The following UGP2 variants were observed in gnomAD, a reference collection of about 807,000 sequenced individuals.
UGP2 encodes the protein UTP--glucose-1-phosphate uridylyltransferase.
In UGP2, 40 loss-of-function variants were observed where a neutral mutation model predicts 49.0. The ratio of observed to expected loss-of-function variants is 0.82; its 90% CI spans 0.63 to 1.06. UGP2 has a LOEUF of 1.06. UGP2 is among the 50% of genes least tolerant of loss of function. UGP2 has a pLI of 0.00. For synonymous variants in UGP2, 225 were observed against 213.0 expected, an observed-to-expected ratio of 1.06 and a Z score of -0.49; for missense variants, 460 against 603.5, an observed-to-expected ratio of 0.76 and a Z score of 2.49.
At chr2:63,842,473 TA>T (rs1175111892) in intron 1 of UGP2, 1 of 1,539,316 alleles carries the variant, frequency 6.5e-7, no homozygotes, top group East Asian at 2.4e-5. Context: ...ATAGTGGCTG[TA>T]AGTGATAAAA....
chr2:63,870,067 C>T (rs112805135), intron 3 of UGP2, among the ~76,000 whole-genome samples: 9 of 151,898 alleles, frequency 5.9e-5, no homozygotes, highest in African/African-American at 1.2e-4. Flanking sequence ...GGACTGTAGG[C>T]GCCGGCCACC....
In UGP2 at chr2:63,879,167, A is replaced by G. The variant is rs139874634; in HGVS notation, c.256-3299A>G. On this transcript the variant is annotated intron_variant, in intron 3 of 9. Transcript: ENST00000337130. Reference sequence around the variant, plus strand: ...TCTGTAAAGATTAGAATTAAGGTGTAATCTAGAGTTTTCTGCCTCACGTTA... The same window carrying G: ...TCTGTAAAGATTAGAATTAAGGTGTGATCTAGAGTTTTCTGCCTCACGTTA... 5.1e-4 allele frequency among the ~76,000 whole-genome samples: 77 copies of G among 152,312 alleles called. 1 individual carries two copies. Among genetic ancestry groups the G allele is most frequent in the African/African-American group, 1.6e-3 (65 of 41,582 alleles).
chr2:63,872,626 A>T (rs1332237776), intron 3 of UGP2, among the ~76,000 whole-genome samples: 1 of 152,122 alleles, frequency 6.6e-6, no homozygotes, highest in Non-Finnish European at 1.5e-5. Context: ...GTCTCATTTG[A>T]TTTAAAAGGA....
At chr2:63,841,634 A>T, upstream of UGP2, 1 of 152,512 alleles carries the variant, frequency 6.6e-6, no homozygotes, top group Non-Finnish European at 1.5e-5. Flanking sequence ...GCTGGTGAAA[A>T]TGGTTGCACT....
chr2:63,857,872 G>C lies in UGP2; in HGVS notation c.191G>C (p.Arg64Thr). The change falls in exon 3 of 10, where the codon AGA becomes ACA. Residue 64 changes from arginine (R) to threonine (T), a missense_variant. This residue lies in a region of UGP2 where 143 missense variants were observed against 130.4 expected (regional missense o/e 1.10). Transcript: ENST00000337130. ...DLDGFRKLFHRFLQEKGPSVD... is the reference protein window; with the variant it reads ...DLDGFRKLFHTFLQEKGPSVD... ...GATGGATTTCGGAAGCTATTTCATA[G>C]ATTTTTGCAAGAAAAGGGGCCTTCT... 6.2e-7 allele frequency: 1 copy of C among 1,614,082 alleles called. No homozygotes were observed. The highest frequency in any genetic ancestry group is 8.5e-7 in the Non-Finnish European group (1 of 1,179,978).
intron 1 of UGP2, among the ~76,000 whole-genome samples, chr2:63,847,961 T>A (rs964383344): frequency 2.0e-5 from 3 of 152,220 alleles, no homozygotes; most frequent in Admixed American, 1.3e-4. Context: ...TACTGAAAAG[T>A]TAACATAAAC....
At chr2:63,884,974 GATCT>G (rs1329140779) in intron 5 of UGP2, among the ~76,000 whole-genome samples, 1 of 107,150 alleles carries the variant, frequency 9.3e-6, no homozygotes, top group Non-Finnish European at 2.0e-5. Flanking sequence ...TTGTTTTTAA[GATCT>G]ATTTCCCATG....
At chr2:63,884,681 G>A (rs1671539135) in intron 5 of UGP2, among the ~76,000 whole-genome samples, 1 of 152,104 alleles carries the variant, frequency 6.6e-6, no homozygotes, top group South Asian at 2.1e-4. Flanking sequence ...GAAAGCCAAG[G>A]CAGGAGGATT....
Position 63,886,343 on chromosome 2 carries a change from C to T in UGP2, c.876C>T (p.Gly292=), listed in dbSNP as rs1177583716. The part of the protein sequence containing the change: ...VTNKTRADVK[G]GTLTQYEGKL... ...CTCACTATTTTCTGCCTTTCTAGGGCGGGACACTCACTCAATATGAAGGCA... is the reference window on the plus strand; with the variant it reads ...CTCACTATTTTCTGCCTTTCTAGGGTGGGACACTCACTCAATATGAAGGCA... The change falls in exon 7 of 10, where the codon GGC becomes GGT. Residue 292 remains glycine, a splice_region_variant and synonymous_variant. Coordinates refer to ENST00000337130, the MANE Select transcript of UGP2 (RefSeq NM_006759.4). 8.7e-6 allele frequency: 14 copies of T among 1,613,774 alleles called. No individual in the cohort carries two copies. The highest frequency in any genetic ancestry group is 2.2e-5 in the East Asian group (1 of 44,894).
chr2:63,870,787 C>T (rs1180070485), intron 3 of UGP2, among the ~76,000 whole-genome samples: 2 of 152,108 alleles, frequency 1.3e-5, no homozygotes, highest in East Asian at 3.9e-4. Flanking sequence ...AAGTTTCTGC[C>T]CTTATGGAGT....
chr2:63,883,387 A>G (rs1671441851), intron 4 of UGP2: 1 of 152,238 alleles, frequency 6.6e-6, no homozygotes, highest in Admixed American at 6.5e-5. Flanking sequence ...ATTTTAACAT[A>G]GGGCAGTGTG....
intron 2 of UGP2, chr2:63,856,716 G>A (rs1669460773): frequency 8.1e-6 from 4 of 491,500 alleles, no homozygotes; most frequent in South Asian, 3.2e-5. Flanking sequence ...GTCATTGGGT[G>A]GAGAAATGCA....
At position 63,862,798 on chromosome 2, in the gene UGP2, A is replaced by G. The variant is rs749520895; in HGVS notation, c.255+4862A>G. 42 of 455,866 alleles carry G rather than the reference A, an allele frequency of 9.2e-5. No individual in the cohort carries two copies. In the Middle Eastern group the frequency reaches 9.8e-4, roughly 11 times the overall value. The allele number at this position is 455,866 out of a possible 1,614,324, so 28.2% of individuals were successfully genotyped here. A position where few individuals can be genotyped will look rare whatever the true frequency, so the allele number is the denominator to read the frequency against. On this transcript the variant is annotated intron_variant, in intron 3 of 9. Transcript: ENST00000337130. ...CACCCCACAGAGAAAGTATGGTGTT[A>G]AAGAAATGGTGTTAAAGTTTCTGAA...
chr2:63,850,466 CTTAA>C (rs1157916808), intron 1 of UGP2, among the ~76,000 whole-genome samples: 1 of 152,100 alleles, frequency 6.6e-6, no homozygotes, highest in East Asian at 1.9e-4. Context: ...ATTTACTTTT[CTTAA>C]TTTATCATTG....
At position 63,857,932 on chromosome 2, in the gene UGP2, A is replaced by T. The variant is rs148783211; in HGVS notation, c.251A>T (p.Asp84Val). ...GGAAAAATCCAGAGACCCCCTGAAG[A>T]TTCGGTAAGTTTTAGATAAAATGTA... ...DWGKIQRPPEDSIQPYEKIKA... is the reference protein window; with the variant it reads ...DWGKIQRPPEVSIQPYEKIKA... The change falls in exon 3 of 10, where the codon GAT becomes GTT. Residue 84 changes from aspartate (D) to valine (V), a missense_variant. Asp to Val is a radical substitution (Grantham distance 152). Transcript: ENST00000337130. The T allele has an allele frequency of 4.9e-4, 798 of 1,613,032 alleles. 6 individuals are homozygous for T. The highest frequency in any genetic ancestry group is 2.8e-4 in the Admixed American group (17 of 59,764).
In UGP2 at chr2:63,867,256, C is replaced by CT. The variant is rs201662464; in HGVS notation, c.255+9328dup. Among the ~76,000 whole-genome samples the CT allele has an allele frequency of 4.3e-4, 65 of 152,146 alleles. 1 individual carries two copies. In the East Asian group the frequency reaches 0.011, roughly 25 times the overall value. On this transcript the variant is annotated intron_variant, in intron 3 of 9. Coordinates refer to ENST00000337130, the MANE Select transcript of UGP2 (RefSeq NM_006759.4). ...CATTCTGCCTTCAGTGTATTTAACA[C>CT]TTTTTTTTCCAATTTGTTAGTAATG...
intron 9 of UGP2, 34 bp from the exon 10 acceptor site, chr2:63,891,086 G>GCT (rs755535071): frequency 1.5e-5 from 23 of 1,567,902 alleles, no homozygotes; most frequent in Admixed American, 1.1e-4. Flanking sequence ...CATTTCAGTT[G>GCT]CAAGTACACT....
chr2:63,860,535 C>G (rs538263588), intron 3 of UGP2, among the ~76,000 whole-genome samples: 1 of 152,186 alleles, frequency 6.6e-6, no homozygotes, highest in East Asian at 1.9e-4. Flanking sequence ...CTTTGGCCCT[C>G]AGAAAACTGA....
chr2:63,888,035 C>T (rs1671808295), intron 8 of UGP2: 1 of 164,640 alleles, frequency 6.1e-6, no homozygotes, highest in Admixed American at 5.8e-5. Flanking sequence ...TTTGTCTTCA[C>T]GGAATTGACA....
Sources: gnomAD v4.1 joint callset for allele counts (sites outside exome capture counted in the v4.1 genomes callset) on GRCh38, gnomAD v4.1.1 for gene constraint, gnomAD v4.1.1 regional missense constraint, MANE v1.5 for transcripts, NCBI Gene and HGNC (gene_info 2026-07-23, HGNC 2026-07-21) for gene names.